Variants in MED13 observed in about 807,000 individuals in gnomAD.
MED13 encodes mediator of RNA polymerase II transcription subunit 13.
In MED13, 23 loss-of-function variants were observed where a neutral mutation model predicts 225.2. The observed-to-expected ratio is 0.10, with a 90% CI of 0.07 to 0.14. The LOEUF is 0.14. Ranked by LOEUF, MED13 falls within the 10% of genes least tolerant of loss-of-function variation. MED13 has a pLI of 1.00. For synonymous variants in MED13, 942 were observed against 889.2 expected, an observed-to-expected ratio of 1.06 and a Z score of -1.06; for missense variants, 2,197 against 2,594.5, an observed-to-expected ratio of 0.85 and a Z score of 3.33.
intron 3 of MED13, 62 bp from the exon 4 acceptor site, chr17:62,035,670 T>C: frequency 6.7e-7 from 1 of 1,499,174 alleles, no homozygotes; most frequent in South Asian, 1.3e-5. Context: ...TTAACTTGCT[T>C]TTCTTTATTA....
At chr17:61,946,697 TA>T (rs1037882351) in intron 29 of MED13, 97 bp from the exon 30 acceptor site, 7 of 1,437,280 alleles carry the variant, frequency 4.9e-6, no homozygotes, top group Non-Finnish European at 6.7e-6. Flanking sequence ...AAAGTCACCT[TA>T]AAAAAGAGTG....
chr17:62,024,936 T>C (rs1307044058), intron 8 of MED13, among the ~76,000 whole-genome samples: 3 of 152,240 alleles, frequency 2.0e-5, no homozygotes, highest in African/African-American at 4.8e-5. Flanking sequence ...CTGTCAGTGA[T>C]GAGCACTTAG....
chr17:61,954,011 T>C (rs2079919255), intron 26 of MED13, among the ~76,000 whole-genome samples: 1 of 152,156 alleles, frequency 6.6e-6, no homozygotes, highest in Non-Finnish European at 1.5e-5. Flanking sequence ...AGAACAATTA[T>C]AGCAAGGTAC....
intron 11 of MED13, among the ~76,000 whole-genome samples, chr17:61,990,280 C>A (rs920873934): frequency 1.3e-5 from 2 of 152,010 alleles, no homozygotes; most frequent in Non-Finnish European, 2.9e-5. Context: ...ACCCATTCCA[C>A]TATATATACA....
At chr17:61,973,248 T>C (rs921384729) in intron 16 of MED13, among the ~76,000 whole-genome samples, 4 of 152,192 alleles carry the variant, frequency 2.6e-5, no homozygotes, top group Admixed American at 6.5e-5. Context: ...CTGCCTCACA[T>C]TGAAATTATA....
intron 8 of MED13, among the ~76,000 whole-genome samples, chr17:62,012,483 A>G (rs536525271): frequency 3.1e-4 from 47 of 151,288 alleles, no homozygotes; most frequent in African/African-American, 1.1e-3. Flanking sequence ...GCATGTGGCC[A>G]CCATGCCCGG....
At chr17:61,992,891 CAAG>C (rs1157784053) in intron 10 of MED13, among the ~76,000 whole-genome samples, 9 of 152,150 alleles carry the variant, frequency 5.9e-5, no homozygotes, top group African/African-American at 2.2e-4. Flanking sequence ...CTCAGCTTCC[CAAG>C]TAGCTAGGAC....
At chr17:61,998,596 C>T (rs896415443) in intron 9 of MED13, among the ~76,000 whole-genome samples, 1 of 115,538 alleles carries the variant, frequency 8.7e-6, no homozygotes, top group Non-Finnish European at 1.8e-5. Context: ...TTCCCACCGC[C>T]TTTTTTTTTT....
Position 62,010,871 on chromosome 17 carries a change from G to A in MED13, c.1646C>T (p.Thr549Ile). Residue 549 changes from threonine (T) to isoleucine (I), a missense_variant, in exon 9 of 30, where the codon ACT (threonine) becomes ATT (isoleucine). Thr to Ile is a moderately conservative substitution (Grantham distance 89). Coordinates refer to ENST00000397786, the MANE Select transcript of MED13 (RefSeq NM_005121.3). ...HPCDVVDEGV[T>I]KTPSTPQSQH... ...ACTCTGAGGAGTTGAAGGTGTTTTA[G>A]TCACTCCTTCATCAACCACATCACA... 6.2e-7 allele frequency: 1 copy of A among 1,614,230 alleles called. No homozygotes were observed. Among genetic ancestry groups the A allele is most frequent in the Non-Finnish European group, 8.5e-7 (1 of 1,180,042 alleles).
At chr17:62,015,878 T>C in intron 8 of MED13, among the ~76,000 whole-genome samples, 1 of 84,436 alleles carries the variant, frequency 1.2e-5, no homozygotes, top group African/African-American at 4.7e-5. Flanking sequence ...TGTGTGTGTG[T>C]ATATATATAC....
chr17:61,987,610 T>C (rs2080259591), intron 11 of MED13, among the ~76,000 whole-genome samples: 1 of 152,138 alleles, frequency 6.6e-6, no homozygotes. Flanking sequence ...AAATAAATGA[T>C]TATATCTTTC....
intron 1 of MED13, among the ~76,000 whole-genome samples, chr17:62,064,938 C>CA (rs2081069459): frequency 6.6e-6 from 1 of 152,228 alleles, no homozygotes; most frequent in Non-Finnish European, 1.5e-5. Context: ...AAAATGCCAA[C>CA]ACTCCCCTAA....
chr17:61,947,086 T>G, intron 28 of MED13, 69 bp from the exon 29 acceptor site: 1 of 1,039,572 alleles, frequency 9.6e-7, no homozygotes, highest in Non-Finnish European at 1.5e-6. Flanking sequence ...TTTTACCTTA[T>G]TCTCCCAATA....
chr17:62,008,861 A>G (rs75912233), intron 9 of MED13, among the ~76,000 whole-genome samples: 1,938 of 152,288 alleles, frequency 0.013, 38 homozygotes, highest in African/African-American at 0.044. Context: ...CAGAAATAAG[A>G]AAGTATTAAA....
At chr17:61,995,686 G>C (rs2080341016) in intron 9 of MED13, among the ~76,000 whole-genome samples, 1 of 152,172 alleles carries the variant, frequency 6.6e-6, no homozygotes, top group African/African-American at 2.4e-5. Flanking sequence ...TCCATTCCCT[G>C]AAAGGGGCTC....
intron 21 of MED13, among the ~76,000 whole-genome samples, 166 bp downstream of exon 21, chr17:61,962,585 TC>T (rs1438848276): frequency 6.6e-6 from 1 of 152,224 alleles, no homozygotes; most frequent in Non-Finnish European, 1.5e-5. Context: ...ATAAAGTTTA[TC>T]TTTTATAAAT....
At chr17:61,955,246 T>A in intron 26 of MED13, 136 bp downstream of exon 26, 1 of 666,170 alleles carries the variant, frequency 1.5e-6, no homozygotes. Flanking sequence ...TCTCTCCATC[T>A]CAAGATCCTT....
At position 62,015,948 on chromosome 17, in the gene MED13, ATATATATTTTTTTTTTTTTTT is replaced by A. The variant is rs1432453628; in HGVS notation, c.1284-4736_1284-4716del. ...TATATATATATATATATATATATATATATATATTTTTTTTTTTTTTTTTTTTTTTTTTTTTAGTAGAGACCG... is the reference window on the plus strand; with the variant it reads ...TATATATATATATATATATATATATATTTTTTTTTTTTTTAGTAGAGACCG... On this transcript the variant is annotated intron_variant, in intron 8 of 29. Coordinates refer to ENST00000397786, the MANE Select transcript of MED13 (RefSeq NM_005121.3). Among the ~76,000 whole-genome samples, 67 of 14,638 alleles carry A rather than the reference ATATATATTTTTTTTTTTTTTT, an allele frequency of 4.6e-3. 4 individuals carry two copies. Among genetic ancestry groups the A allele is most frequent in the East Asian group, 0.014 (3 of 208 alleles). The allele number at this position is 14,638 out of a possible 152,430, so 9.6% of individuals were successfully genotyped here.
chr17:62,035,104 G>C (rs532464822), intron 4 of MED13, among the ~76,000 whole-genome samples: 46 of 152,184 alleles, frequency 3.0e-4, no homozygotes, highest in Admixed American at 2.9e-3. Context: ...CTGGGCGACA[G>C]AGCGAAACTC....
Sources: allele counts gnomAD v4.1 joint callset (sites outside exome capture counted in the v4.1 genomes callset), GRCh38; gene constraint gnomAD v4.1.1; transcripts MANE v1.5; gene names NCBI Gene and HGNC (gene_info 2026-07-23, HGNC 2026-07-21).